Variants in BACH2 observed in about 807,000 individuals in gnomAD.
BACH2 encodes the protein BACH transcriptional regulator 2.
Under a neutral mutation model 61.8 loss-of-function variants are expected in BACH2, and 5 were observed. That is an observed-to-expected ratio of 0.08 (90% CI 0.04 to 0.17). BACH2 has a LOEUF of 0.17. Ranked by LOEUF, BACH2 falls within the 10% of genes least tolerant of loss-of-function variation. The pLI is 1.00. For synonymous variants in BACH2, 446 were observed against 440.1 expected, an observed-to-expected ratio of 1.01 and a Z score of -0.17; for missense variants, 824 against 1,091.1, an observed-to-expected ratio of 0.76 and a Z score of 3.45.
At chr6:89,995,057 C>A (rs946293120) in intron 6 of BACH2, among the ~76,000 whole-genome samples, 1 of 152,200 alleles carries the variant, frequency 6.6e-6, no homozygotes, top group Non-Finnish European at 1.5e-5. Flanking sequence ...CAATTTCCCC[C>A]ACTCCAGAGT....
At chr6:90,051,040 G>T (rs547171288) in intron 5 of BACH2, among the ~76,000 whole-genome samples, 4 of 152,152 alleles carry the variant, frequency 2.6e-5, no homozygotes, top group Admixed American at 2.6e-4. Context: ...CCAAAGTGCT[G>T]GGATTACAGG....
intron 3 of BACH2, among the ~76,000 whole-genome samples, chr6:90,212,764 A>G (rs1027051596): frequency 2.6e-5 from 4 of 152,206 alleles, no homozygotes; most frequent in African/African-American, 9.7e-5. Context: ...AAACAAGAGG[A>G]TTATAAATTA....
At chr6:90,001,226 A>T (rs1777117340) in intron 6 of BACH2, 1 of 152,272 alleles carries the variant, frequency 6.6e-6, no homozygotes, top group Non-Finnish European at 1.5e-5. Flanking sequence ...CCCAGGTATT[A>T]GGACAGGTTA....
At chr6:90,215,702 A>G (rs971866406) in intron 3 of BACH2, among the ~76,000 whole-genome samples, 3 of 152,168 alleles carry the variant, frequency 2.0e-5, no homozygotes, top group Admixed American at 1.3e-4. Flanking sequence ...AGCCAATTCT[A>G]GCTGTCATTT....
intron 3 of BACH2, among the ~76,000 whole-genome samples, chr6:90,249,051 C>T (rs1231439412): frequency 6.6e-6 from 1 of 152,116 alleles, no homozygotes; most frequent in Non-Finnish European, 1.5e-5. Context: ...GAGATTTATG[C>T]TCTTTGATTC....
At chr6:90,127,874 C>A (rs1454882086) in intron 4 of BACH2, among the ~76,000 whole-genome samples, 1 of 152,152 alleles carries the variant, frequency 6.6e-6, no homozygotes, top group Non-Finnish European at 1.5e-5. Flanking sequence ...GTGCTTCTGG[C>A]AATTGGAAGT....
At chr6:90,244,771 T>A (rs1770577671) in intron 3 of BACH2, among the ~76,000 whole-genome samples, 1 of 152,236 alleles carries the variant, frequency 6.6e-6, no homozygotes, top group African/African-American at 2.4e-5. Context: ...AAGCTGCTTC[T>A]ATTGCCCCCT....
At chr6:90,296,360 C>A (rs1772388436) in intron 1 of BACH2, 120 bp downstream of exon 1, 1 of 150,702 alleles carries the variant, frequency 6.6e-6, no homozygotes, top group South Asian at 2.1e-4. Context: ...GCGGCCGGGG[C>A]TCCCTTCCCG....
intron 3 of BACH2, among the ~76,000 whole-genome samples, chr6:90,232,062 G>T (rs1770117977): frequency 6.6e-6 from 1 of 152,188 alleles, no homozygotes; most frequent in Non-Finnish European, 1.5e-5. Flanking sequence ...ATACAAGAGT[G>T]CCTTGCAAGG....
At chr6:90,225,956 C>A (rs953611170) in intron 3 of BACH2, among the ~76,000 whole-genome samples, 2 of 152,150 alleles carry the variant, frequency 1.3e-5, no homozygotes, top group African/African-American at 2.4e-5. Flanking sequence ...AGGCCACCAG[C>A]ATTACCCTGA....
chr6:90,142,850 G>T (rs1337891746), intron 4 of BACH2, among the ~76,000 whole-genome samples: 1 of 151,778 alleles, frequency 6.6e-6, no homozygotes, highest in Non-Finnish European at 1.5e-5. Flanking sequence ...ATAGTATTAA[G>T]AATAATAAAA....
chr6:90,129,310 T>A (rs913654491), intron 4 of BACH2, among the ~76,000 whole-genome samples: 1 of 152,184 alleles, frequency 6.6e-6, no homozygotes, highest in Non-Finnish European at 1.5e-5. Context: ...TTAAGTGGTT[T>A]CCTACTTCTC....
chr6:90,215,979 T>C (rs1194602115), intron 3 of BACH2, among the ~76,000 whole-genome samples: 1 of 152,160 alleles, frequency 6.6e-6, no homozygotes, highest in Non-Finnish European at 1.5e-5. Context: ...AACTTTTCCA[T>C]AATTTAGAAC....
chr6:90,236,883 G>A (rs115882202), intron 3 of BACH2, among the ~76,000 whole-genome samples: 1,892 of 152,150 alleles, frequency 0.012, 46 homozygotes, highest in African/African-American at 0.043. Flanking sequence ...TGATTCCACT[G>A]TGAAATTGTA....
Position 90,230,225 on chromosome 6 carries a change from G to A in BACH2, c.-275+22288C>T, listed in dbSNP as rs768014482. 7.9e-5 allele frequency among the ~76,000 whole-genome samples: 12 copies of A among 152,254 alleles called. No individual in the cohort carries two copies. The South Asian group carries it at 8.3e-4, about 11-fold the overall frequency. ...GCTCAGTTTCCTTATTTGTAAAAAC[G>A]GAGATAACTGATAACACCTCCTTTG... On this transcript the variant is annotated intron_variant, in intron 3 of 8. Coordinates refer to ENST00000257749, the MANE Select transcript of BACH2 (RefSeq NM_021813.4).
chr6:90,070,222 T>C (rs531293556), intron 5 of BACH2, among the ~76,000 whole-genome samples: 8 of 152,028 alleles, frequency 5.3e-5, no homozygotes, highest in East Asian at 3.9e-4. Context: ...AAAGGACTCC[T>C]TCATCTTCCT....
At chr6:90,111,564 G>A (rs1783171263) in intron 4 of BACH2, among the ~76,000 whole-genome samples, 1 of 152,114 alleles carries the variant, frequency 6.6e-6, no homozygotes, top group African/African-American at 2.4e-5. Flanking sequence ...CCTATCCTGT[G>A]TGCTCCAGCC....
At chr6:90,206,911 C>T (rs1378931706) in intron 3 of BACH2, among the ~76,000 whole-genome samples, 3 of 152,106 alleles carry the variant, frequency 2.0e-5, no homozygotes, top group Non-Finnish European at 4.4e-5. Flanking sequence ...CCTAGAAAGG[C>T]AGTGTACCAT....
intron 7 of BACH2, among the ~76,000 whole-genome samples, chr6:89,939,823 ATTTTTTT>A (rs71027914): frequency 1.4e-4 from 13 of 91,374 alleles, no homozygotes; most frequent in African/African-American, 2.9e-4. Context: ...AGTTAATTAA[ATTTTTTT>A]TTTTTTTTTT....
Sources: allele counts gnomAD v4.1 joint callset (sites outside exome capture counted in the v4.1 genomes callset), GRCh38; gene constraint gnomAD v4.1.1; transcripts MANE v1.5; gene names NCBI Gene and HGNC (gene_info 2026-07-23, HGNC 2026-07-21).